The following ALCAM variants were observed in gnomAD, a reference collection of about 807,000 sequenced individuals.
The protein encoded by ALCAM is CD166 antigen.
Under a neutral mutation model 70.9 loss-of-function variants are expected in ALCAM, and 30 were observed. The ratio of observed to expected loss-of-function variants is 0.42; its 90% CI spans 0.32 to 0.57. ALCAM has a LOEUF of 0.57. Among genes scored for constraint, ALCAM ranks in the 20% least tolerant of loss-of-function variants. The probability of loss-of-function intolerance (pLI) is 0.11; values close to 1 mark genes in which losing one functional copy is unlikely to be tolerated. For synonymous variants in ALCAM, 249 were observed against 242.5 expected, an observed-to-expected ratio of 1.03 and a Z score of -0.25; for missense variants, 591 against 695.1, an observed-to-expected ratio of 0.85 and a Z score of 1.68.
intron 1 of ALCAM, among the ~76,000 whole-genome samples, chr3:105,386,518 A>G (rs891647872): frequency 6.6e-6 from 1 of 151,202 alleles, no homozygotes; most frequent in African/African-American, 2.4e-5. Flanking sequence ...TCTATACCCT[A>G]CCTTCCTATC....
At chr3:105,454,118 A>T (rs1330070714) in intron 1 of ALCAM, among the ~76,000 whole-genome samples, 1 of 152,124 alleles carries the variant, frequency 6.6e-6, no homozygotes, top group Non-Finnish European at 1.5e-5. Context: ...ATTAAAAGGG[A>T]GATAAAATAA....
chr3:105,464,909 A>T (rs1937671591), intron 1 of ALCAM, among the ~76,000 whole-genome samples: 1 of 151,386 alleles, frequency 6.6e-6, no homozygotes, highest in South Asian at 2.1e-4. Context: ...AACAGATAGA[A>T]CATCTTCGTC....
intron 1 of ALCAM, among the ~76,000 whole-genome samples, chr3:105,463,357 C>T (rs772703222): frequency 1.1e-4 from 17 of 151,324 alleles, no homozygotes; most frequent in Admixed American, 7.3e-4. Context: ...TTTTTATCTT[C>T]GCAAATGTAT....
chr3:105,475,769 A>G (rs891088279), intron 1 of ALCAM, among the ~76,000 whole-genome samples: 2 of 151,900 alleles, frequency 1.3e-5, no homozygotes, highest in Non-Finnish European at 2.9e-5. Flanking sequence ...CCAGTTTCTC[A>G]GGAACTTTAC....
chr3:105,473,834 A>G (rs1279015351), intron 1 of ALCAM, among the ~76,000 whole-genome samples: 1 of 151,518 alleles, frequency 6.6e-6, no homozygotes, highest in Non-Finnish European at 1.5e-5. Flanking sequence ...CAATTAAGCC[A>G]CTAGACAATG....
intron 1 of ALCAM, among the ~76,000 whole-genome samples, chr3:105,497,271 G>A (rs551458492): frequency 2.0e-5 from 3 of 152,304 alleles, no homozygotes; most frequent in South Asian, 4.1e-4. Flanking sequence ...AGGAAATAGA[G>A]AAGAAAGAGA....
intron 11 of ALCAM, among the ~76,000 whole-genome samples, chr3:105,549,279 T>A (rs1940334050): frequency 6.6e-6 from 1 of 151,450 alleles, no homozygotes; most frequent in Non-Finnish European, 1.5e-5. Flanking sequence ...GTGAATCTGT[T>A]ATTTTACAAC....
chr3:105,368,554 GC>G (rs1935142231), intron 1 of ALCAM, among the ~76,000 whole-genome samples: 1 of 151,660 alleles, frequency 6.6e-6, no homozygotes, highest in African/African-American at 2.4e-5. Flanking sequence ...TTTGTTCTTA[GC>G]TTTTTCTTTA....
chr3:105,412,678 C>T (rs112642155), intron 1 of ALCAM, among the ~76,000 whole-genome samples: 27 of 152,104 alleles, frequency 1.8e-4, no homozygotes, highest in Admixed American at 1.1e-3. Flanking sequence ...TTACATTGAG[C>T]CCCAGAAGTC....
intron 1 of ALCAM, among the ~76,000 whole-genome samples, chr3:105,389,390 T>G (rs1576127566): frequency 7.3e-6 from 1 of 136,772 alleles, no homozygotes; most frequent in South Asian, 2.4e-4. Context: ...TTTTTTTTTT[T>G]TTTTTTTTCT....
chr3:105,483,427 C>T (rs1296721584), intron 1 of ALCAM, among the ~76,000 whole-genome samples: 2 of 151,946 alleles, frequency 1.3e-5, no homozygotes, highest in African/African-American at 4.8e-5. Flanking sequence ...GTAGCGAAAC[C>T]CAGGGTGACT....
chr3:105,442,474 G>A (rs907337372), intron 1 of ALCAM, among the ~76,000 whole-genome samples: 32 of 152,260 alleles, frequency 2.1e-4, no homozygotes, highest in African/African-American at 7.2e-4. Flanking sequence ...AAGAGCGAGA[G>A]TTACTCATAA....
At chr3:105,410,962 C>T (rs1346361045) in intron 1 of ALCAM, among the ~76,000 whole-genome samples, 1 of 151,896 alleles carries the variant, frequency 6.6e-6, no homozygotes, top group Non-Finnish European at 1.5e-5. Flanking sequence ...TTGGTTTATC[C>T]CTAGAATTTT....
chr3:105,372,026 T>G (rs1935249797), intron 1 of ALCAM, among the ~76,000 whole-genome samples: 1 of 152,128 alleles, frequency 6.6e-6, no homozygotes. Context: ...TTCTTGGGTG[T>G]GGTGGGTGAT....
At chr3:105,427,089 A>C (rs1412352249) in intron 1 of ALCAM, among the ~76,000 whole-genome samples, 1 of 151,958 alleles carries the variant, frequency 6.6e-6, no homozygotes, top group East Asian at 1.9e-4. Context: ...TATTGTCACC[A>C]CTGCTTACCC....
At chr3:105,533,467 A>G (rs942197283) in intron 4 of ALCAM, 136 bp from the exon 5 acceptor site, 4 of 523,108 alleles carry the variant, frequency 7.6e-6, no homozygotes, top group African/African-American at 5.8e-5. Context: ...GCATGTATTC[A>G]GTCTTTGGTC....
chr3:105,381,622 T>C (rs1300288292), intron 1 of ALCAM, among the ~76,000 whole-genome samples: 1 of 151,922 alleles, frequency 6.6e-6, no homozygotes, highest in East Asian at 1.9e-4. Flanking sequence ...CAGCCTATAG[T>C]TTACAGTGTC....
chr3:105,437,875 C>G (rs1315610138), intron 1 of ALCAM, among the ~76,000 whole-genome samples: 2 of 151,984 alleles, frequency 1.3e-5, no homozygotes, highest in African/African-American at 2.4e-5. Context: ...GATTCCTAAA[C>G]TCTCATATTT....
At chr3:105,550,436 C>T (rs1228893800) in intron 12 of ALCAM, among the ~76,000 whole-genome samples, 177 bp downstream of exon 12, 1 of 151,350 alleles carries the variant, frequency 6.6e-6, no homozygotes, top group Non-Finnish European at 1.5e-5. Context: ...CATTCTTGTA[C>T]TATCCTTGTC....
Sources: gnomAD v4.1 joint callset for allele counts (sites outside exome capture counted in the v4.1 genomes callset) on GRCh38, gnomAD v4.1.1 for gene constraint, MANE v1.5 for transcripts, NCBI Gene and HGNC (gene_info 2026-07-23, HGNC 2026-07-21) for gene names.